FSTL4: variants seen among roughly 807,000 people sequenced by gnomAD.
FSTL4 encodes the protein follistatin-related protein 4.
Under a neutral mutation model 78.2 loss-of-function variants are expected in FSTL4, and 28 were observed. The ratio of observed to expected loss-of-function variants is 0.36; its 90% CI spans 0.27 to 0.49. FSTL4 has a LOEUF of 0.49. Among genes scored for constraint, FSTL4 ranks in the 20% least tolerant of loss-of-function variants. FSTL4 has a pLI of 0.98. For synonymous variants in FSTL4, 422 were observed against 440.5 expected (o/e 0.96, Z 0.53); for missense variants, 922 against 1,084.9 (o/e 0.85, Z 2.11).
At chr5:133,829,843 C>T in the FSTL4 span, among the ~76,000 whole-genome samples, 409 of 152,272 alleles carry the variant, frequency 2.7e-3, 2 homozygotes, top group African/African-American at 9.5e-3. Context: ...CCAGGGCGGC[C>T]GGTCAGCTTC....
At chr5:133,541,596 G>A (rs1353514314) in intron 3 of FSTL4, among the ~76,000 whole-genome samples, 1 of 152,158 alleles carries the variant, frequency 6.6e-6, no homozygotes, top group African/African-American at 2.4e-5. Context: ...ATACTGTTGT[G>A]GCTAGCTTTG....
At chr5:133,653,470 C>T in the FSTL4 span, among the ~76,000 whole-genome samples, 3 of 152,248 alleles carry the variant, frequency 2.0e-5, no homozygotes, top group Middle Eastern at 3.4e-3. Context: ...GGACTGCATC[C>T]CTCCCTGCTC....
At chr5:133,616,695 G>A (rs1761206049), upstream of FSTL4, among the ~76,000 whole-genome samples, 4 of 152,078 alleles carry the variant, frequency 2.6e-5, no homozygotes, top group Admixed American at 2.6e-4. Context: ...GAGCTACCTG[G>A]CTGGCTGAAG....
intron 4 of FSTL4, among the ~76,000 whole-genome samples, chr5:133,396,246 C>G (rs1386863985): frequency 6.6e-6 from 1 of 152,180 alleles, no homozygotes; most frequent in Non-Finnish European, 1.5e-5. Flanking sequence ...GTTGACACTG[C>G]GTAGAGAAGA....
intron 4 of FSTL4, among the ~76,000 whole-genome samples, chr5:133,365,838 G>A (rs1004966962): frequency 2.0e-5 from 3 of 152,328 alleles, no homozygotes; most frequent in Non-Finnish European, 2.9e-5. Flanking sequence ...TGAAAAGGTC[G>A]GACCAGGGCC....
At chr5:133,665,023 G>T in the FSTL4 span, among the ~76,000 whole-genome samples, 1 of 152,098 alleles carries the variant, frequency 6.6e-6, no homozygotes, top group Non-Finnish European at 1.5e-5. Flanking sequence ...ACACGCATTT[G>T]GTGGCCACTG....
chr5:133,753,623 T>C, the FSTL4 span, among the ~76,000 whole-genome samples: 1 of 152,110 alleles, frequency 6.6e-6, no homozygotes, highest in Non-Finnish European at 1.5e-5. Flanking sequence ...TCAATAACTA[T>C]TTGACCCTGC....
intron 3 of FSTL4, among the ~76,000 whole-genome samples, chr5:133,487,938 T>G (rs548365723): frequency 6.6e-6 from 1 of 152,330 alleles, no homozygotes; most frequent in South Asian, 2.1e-4. Context: ...TTTTGCCATC[T>G]TTAGAACCAA....
chr5:133,289,666 C>CA (rs1190819988), intron 6 of FSTL4, among the ~76,000 whole-genome samples: 1 of 152,250 alleles, frequency 6.6e-6, no homozygotes, highest in African/African-American at 2.4e-5. Context: ...GCTTGCCCAA[C>CA]TCTGGGACTA....
chr5:133,492,476 C>G lies in FSTL4; in HGVS notation c.160+74710G>C, dbSNP rs191344297. ...TCAGAGAGTATCTTTGCCCTTCACT[C>G]TCAAACAGAATTCTAAGTTGACTAT... On this transcript the variant is annotated intron_variant, in intron 3 of 15. Transcript: ENST00000265342. Among the ~76,000 whole-genome samples, 124 of 152,242 alleles carry G rather than the reference C, an allele frequency of 8.1e-4. 1 individual carries two copies. Among genetic ancestry groups the G allele is most frequent in the African/African-American group, 2.9e-3 (119 of 41,556 alleles).
At chr5:133,548,485 T>C (rs1333150480) in intron 3 of FSTL4, among the ~76,000 whole-genome samples, 1 of 152,080 alleles carries the variant, frequency 6.6e-6, no homozygotes, top group Non-Finnish European at 1.5e-5. Context: ...GGCCTATACA[T>C]TACAACTGAG....
chr5:133,696,885 G>A, the FSTL4 span, among the ~76,000 whole-genome samples: 10 of 152,174 alleles, frequency 6.6e-5, no homozygotes, highest in African/African-American at 1.9e-4. Context: ...AGGCTGAGAG[G>A]TTGTCCTTTC....
chr5:133,352,138 C>T lies in FSTL4; in HGVS notation c.410-35486G>A, dbSNP rs185551385. On this transcript the variant is annotated intron_variant, in intron 4 of 15. Coordinates refer to ENST00000265342, the MANE Select transcript of FSTL4 (RefSeq NM_015082.2). ...CTGGGGTTTAAAATATGACCAAATC[C>T]GTCACCTTGGAAGTGAGCATAGTAC... Among the ~76,000 whole-genome samples the T allele has an allele frequency of 4.0e-3, 605 of 151,446 alleles. 8 individuals are homozygous for T. The highest frequency in any genetic ancestry group is 0.014 in the African/African-American group (573 of 41,248).
chr5:133,784,494 G>T, the FSTL4 span, among the ~76,000 whole-genome samples: 1 of 152,278 alleles, frequency 6.6e-6, no homozygotes, highest in East Asian at 1.9e-4. Flanking sequence ...ATGTGAGGTG[G>T]ACATCATTGT....
At chr5:133,523,476 G>C (rs1358224160) in intron 3 of FSTL4, among the ~76,000 whole-genome samples, 1 of 152,186 alleles carries the variant, frequency 6.6e-6, no homozygotes, top group African/African-American at 2.4e-5. Flanking sequence ...GGATGACATA[G>C]CAAGTTACCT....
chr5:133,563,982 C>T (rs1759975149), intron 3 of FSTL4, among the ~76,000 whole-genome samples: 1 of 152,202 alleles, frequency 6.6e-6, no homozygotes, highest in African/African-American at 2.4e-5. Context: ...AATGGATTTT[C>T]TCCCAGTTCT....
At chr5:133,563,279 C>G (rs1423046404) in intron 3 of FSTL4, among the ~76,000 whole-genome samples, 3 of 152,146 alleles carry the variant, frequency 2.0e-5, no homozygotes, top group African/African-American at 7.2e-5. Context: ...AACAAAGCAC[C>G]CCCAGCAAGT....
intron 4 of FSTL4, among the ~76,000 whole-genome samples, chr5:133,330,872 C>T (rs1020455239): frequency 2.6e-5 from 4 of 152,180 alleles, no homozygotes; most frequent in Non-Finnish European, 4.4e-5. Context: ...TAAAGAACAG[C>T]GGGAACAGTG....
chr5:133,293,386 T>C (rs1442257884), intron 6 of FSTL4, among the ~76,000 whole-genome samples: 2 of 152,224 alleles, frequency 1.3e-5, no homozygotes, highest in African/African-American at 4.8e-5. Flanking sequence ...CTCCTCAAAC[T>C]GACTTTGACC....
Sources: allele counts gnomAD v4.1 joint callset (sites outside exome capture counted in the v4.1 genomes callset), GRCh38; gene constraint gnomAD v4.1.1; transcripts MANE v1.5; gene names NCBI Gene and HGNC (gene_info 2026-07-23, HGNC 2026-07-21).